Variants in CNTNAP2 observed in about 807,000 individuals in gnomAD.
CNTNAP2 encodes the protein contactin associated protein 2.
CNTNAP2 carries 98 observed loss-of-function variants against 155.2 expected under a neutral mutation model. The observed-to-expected ratio is 0.63, with a 90% confidence interval of 0.54 to 0.75. CNTNAP2 has a LOEUF of 0.75. CNTNAP2 is among the 30% of genes least tolerant of loss of function. CNTNAP2 has a pLI of 0.00. For synonymous variants in CNTNAP2, 651 were observed against 631.2 expected, an observed-to-expected ratio of 1.03 and a Z score of -0.47; for missense variants, 1,727 against 1,688.1, an observed-to-expected ratio of 1.02 and a Z score of -0.40.
chr7:147,190,320 A>C (rs1802657630), intron 8 of CNTNAP2, among the ~76,000 whole-genome samples: 1 of 152,122 alleles, frequency 6.6e-6, no homozygotes, highest in African/African-American at 2.4e-5. Context: ...GTCTGGAGTA[A>C]GTTTTGGAGA....
At chr7:147,968,151 T>C (rs952524630) in intron 14 of CNTNAP2, among the ~76,000 whole-genome samples, 1 of 152,216 alleles carries the variant, frequency 6.6e-6, no homozygotes, top group Non-Finnish European at 1.5e-5. Flanking sequence ...CAAAGTTCCA[T>C]GAAACAATAT....
intron 15 of CNTNAP2, among the ~76,000 whole-genome samples, chr7:148,015,119 G>A (rs1338967676): frequency 1.3e-5 from 2 of 152,088 alleles, no homozygotes; most frequent in African/African-American, 2.4e-5. Flanking sequence ...CATTGTCCAT[G>A]GCTGTCAATG....
In CNTNAP2 at chr7:146,700,346, A is replaced by G. The variant is rs558808816; in HGVS notation, c.98-73925A>G. On this transcript the variant is annotated intron_variant, in intron 1 of 23. Transcript: ENST00000361727. ...TCTGAAGGATCTAAGAAAAATTACT[A>G]ATTTTCAGTTTAGTCAGCATTTTTC... Among the ~76,000 whole-genome samples, 247 of 152,254 alleles carry G rather than the reference A, an allele frequency of 1.6e-3. 3 individuals are homozygous for G. The highest frequency in any genetic ancestry group is 0.016 in the South Asian group (75 of 4,824).
chr7:148,272,892 G>A (rs749210206), intron 21 of CNTNAP2, among the ~76,000 whole-genome samples: 4 of 152,140 alleles, frequency 2.6e-5, no homozygotes, highest in African/African-American at 9.7e-5. Flanking sequence ...GGGAATGTCT[G>A]ATCAGAAAAA....
intron 1 of CNTNAP2, among the ~76,000 whole-genome samples, chr7:146,335,948 C>G (rs1801267160): frequency 6.6e-6 from 1 of 151,822 alleles, no homozygotes; most frequent in South Asian, 2.1e-4. Flanking sequence ...TCTTGTAATC[C>G]CAGCACTTTG....
intron 4 of CNTNAP2, chr7:147,082,145 C>T (rs868163379): frequency 6.6e-6 from 1 of 151,946 alleles, no homozygotes; most frequent in Non-Finnish European, 1.5e-5. Flanking sequence ...TGGGCTTTGA[C>T]CAGAAGGGAA....
chr7:147,576,788 A>G (rs958377359), intron 12 of CNTNAP2, among the ~76,000 whole-genome samples: 1 of 137,628 alleles, frequency 7.3e-6, no homozygotes, highest in African/African-American at 2.6e-5. Context: ...GAGCTATGAT[A>G]AATGCAACTT....
chr7:147,127,445 A>G (rs1801263776), intron 6 of CNTNAP2, among the ~76,000 whole-genome samples: 1 of 151,934 alleles, frequency 6.6e-6, no homozygotes, highest in Admixed American at 6.6e-5. Context: ...GTACTTAAGC[A>G]TTTAAGATGC....
chr7:146,644,411 A>G (rs1563169744), intron 1 of CNTNAP2, among the ~76,000 whole-genome samples: 1 of 152,148 alleles, frequency 6.6e-6, no homozygotes, highest in Non-Finnish European at 1.5e-5. Flanking sequence ...TATTGAGATA[A>G]TCATGTGGTT....
At chr7:147,454,672 G>A (rs576031374) in intron 10 of CNTNAP2, among the ~76,000 whole-genome samples, 88 of 151,956 alleles carry the variant, frequency 5.8e-4, no homozygotes, top group Admixed American at 1.0e-3. Context: ...ACATGAAAAT[G>A]TCTAAAAGAA....
At chr7:148,080,495 C>T (rs1281320194) in intron 15 of CNTNAP2, among the ~76,000 whole-genome samples, 4 of 151,188 alleles carry the variant, frequency 2.6e-5, no homozygotes, top group Middle Eastern at 6.8e-3. Flanking sequence ...GTCCCAGCTA[C>T]TCAGGAGACT....
At chr7:146,599,938 A>G (rs544985127) in intron 1 of CNTNAP2, among the ~76,000 whole-genome samples, 4 of 152,112 alleles carry the variant, frequency 2.6e-5, no homozygotes, top group African/African-American at 9.6e-5. Flanking sequence ...ATTTATAGAG[A>G]TTTATATTTC....
At position 148,267,176 on chromosome 7, in the gene CNTNAP2, G is replaced by A. The variant is rs758266931; in HGVS notation, c.3475+50G>A. 3.4e-6 allele frequency: 5 copies of A among 1,480,096 alleles called. No individual in the cohort carries two copies. In the South Asian group the frequency reaches 5.7e-5, roughly 17 times the overall value. 91.7% of individuals were successfully genotyped at this position (1,480,096 alleles called of 1,614,324 possible). A position where few individuals can be genotyped will look rare whatever the true frequency, so the allele number is the denominator to read the frequency against. ...AAATGCGTGCTACAAATACATTTGGGTAATGTGAGTTTGGATTTTAAAACT... is the reference window on the plus strand; with the variant it reads ...AAATGCGTGCTACAAATACATTTGGATAATGTGAGTTTGGATTTTAAAACT... On this transcript the variant is annotated intron_variant, in intron 21 of 23. Coordinates refer to ENST00000361727, the MANE Select transcript of CNTNAP2 (RefSeq NM_014141.6).
chr7:147,189,634 C>A (rs765405621), intron 8 of CNTNAP2, among the ~76,000 whole-genome samples: 1 of 152,152 alleles, frequency 6.6e-6, no homozygotes, highest in African/African-American at 2.4e-5. Context: ...CATTGATATA[C>A]CACAAAAAGT....
chr7:146,931,836 G>C (rs1202250213), intron 3 of CNTNAP2, among the ~76,000 whole-genome samples: 1 of 152,058 alleles, frequency 6.6e-6, no homozygotes, highest in Non-Finnish European at 1.5e-5. Context: ...AGAAAATCTA[G>C]AAGAAATGGA....
At chr7:147,524,561 G>A (rs1033122905) in intron 11 of CNTNAP2, among the ~76,000 whole-genome samples, 2 of 152,194 alleles carry the variant, frequency 1.3e-5, no homozygotes, top group African/African-American at 2.4e-5. Flanking sequence ...TGACTTAGAG[G>A]AGCGTGGCTG....
intron 3 of CNTNAP2, among the ~76,000 whole-genome samples, chr7:146,927,288 CT>C (rs561416689): frequency 1.8e-3 from 274 of 152,154 alleles, no homozygotes; most frequent in African/African-American, 6.2e-3. Context: ...GTTTTTTAGT[CT>C]CTTAAAGTTG....
chr7:146,649,323 G>T (rs1051127113), intron 1 of CNTNAP2, among the ~76,000 whole-genome samples: 2 of 152,062 alleles, frequency 1.3e-5, no homozygotes, highest in Non-Finnish European at 2.9e-5. Flanking sequence ...AAATGGTAAT[G>T]AACAGCTTCT....
At chr7:146,728,783 T>C (rs1801476398) in intron 1 of CNTNAP2, among the ~76,000 whole-genome samples, 1 of 152,168 alleles carries the variant, frequency 6.6e-6, no homozygotes, top group African/African-American at 2.4e-5. Flanking sequence ...TAAGTTCAAA[T>C]GTGGCAGTGT....
Sources: allele counts gnomAD v4.1 joint callset (sites outside exome capture counted in the v4.1 genomes callset), GRCh38; gene constraint gnomAD v4.1.1; transcripts MANE v1.5; gene names NCBI Gene and HGNC (gene_info 2026-07-23, HGNC 2026-07-21).